The following NKAIN2 variants were observed in gnomAD, a reference collection of about 807,000 sequenced individuals.
NKAIN2 encodes the protein sodium/potassium-transporting ATPase subunit beta-1-interacting protein 2.
A neutral mutation model predicts 32.6 loss-of-function variants in NKAIN2; 14 were observed. That is an observed-to-expected ratio of 0.43 (90% CI 0.28 to 0.67). NKAIN2 has a LOEUF of 0.67. Ranked by LOEUF, NKAIN2 falls within the 30% of genes least tolerant of loss-of-function variation. The pLI is 0.17. For missense variants in NKAIN2, 198 were observed against 258.3 expected, an observed-to-expected ratio of 0.77 and a Z score of 1.60; for synonymous variants, 80 against 87.2, an observed-to-expected ratio of 0.92 and a Z score of 0.46.
At chr6:124,668,690 T>C (rs983591923) in intron 4 of NKAIN2, among the ~76,000 whole-genome samples, 1 of 152,308 alleles carries the variant, frequency 6.6e-6, no homozygotes, top group Middle Eastern at 3.4e-3. Flanking sequence ...GAAATTATAC[T>C]GTGAGGTACG....
rs541171255 is a variant in NKAIN2, at chr6:123,810,792, T to A, written c.54+6538T>A. 2.0e-5 allele frequency among the ~76,000 whole-genome samples: 3 copies of A among 152,294 alleles called. No homozygotes were observed. The South Asian group carries it at 6.2e-4, about 32-fold the overall frequency. On this transcript the variant is annotated intron_variant, in intron 1 of 6. Transcript: ENST00000368417. ...AATCCTAAATTCATCCAGACCACCA[T>A]TGACCAATAATATTTGCCATAATTA...
At chr6:124,703,590 T>C (rs1016010481) in intron 4 of NKAIN2, among the ~76,000 whole-genome samples, 13 of 151,988 alleles carry the variant, frequency 8.6e-5, no homozygotes, top group African/African-American at 2.9e-4. Flanking sequence ...ACCCAGAAGA[T>C]TGTACAGACT....
chr6:124,090,282 G>A (rs1361973472), intron 1 of NKAIN2, among the ~76,000 whole-genome samples: 1 of 151,866 alleles, frequency 6.6e-6, no homozygotes, highest in Non-Finnish European at 1.5e-5. Context: ...CAAAGTTTTG[G>A]TCAATTGACA....
At chr6:124,823,082 C>A in intron 6 of NKAIN2, 138 bp from the exon 7 acceptor site, 1 of 709,638 alleles carries the variant, frequency 1.4e-6, no homozygotes, top group South Asian at 1.6e-5. Context: ...GGAAAATTAT[C>A]TATTTAAAAC....
intron 1 of NKAIN2, among the ~76,000 whole-genome samples, chr6:124,054,080 T>A (rs1048579664): frequency 1.3e-5 from 2 of 152,104 alleles, no homozygotes; most frequent in African/African-American, 4.8e-5. Flanking sequence ...TTCACAACAG[T>A]ACTTCAAAGA....
chr6:124,304,149 A>T (rs1796416186), intron 2 of NKAIN2, among the ~76,000 whole-genome samples: 1 of 152,160 alleles, frequency 6.6e-6, no homozygotes, highest in Non-Finnish European at 1.5e-5. Context: ...GATACTAGAG[A>T]CACGGTAGAT....
At chr6:124,587,616 T>C (rs1397452837) in intron 3 of NKAIN2, among the ~76,000 whole-genome samples, 1 of 152,190 alleles carries the variant, frequency 6.6e-6, no homozygotes, top group Admixed American at 6.5e-5. Context: ...CAACAAGAGC[T>C]GGCCCCAGGC....
chr6:124,810,723 A>G (rs1780861525), intron 5 of NKAIN2, among the ~76,000 whole-genome samples: 1 of 152,044 alleles, frequency 6.6e-6, no homozygotes, highest in African/African-American at 2.4e-5. Context: ...AAGGCCCTAA[A>G]ACCCTGAGAA....
At chr6:123,967,763 T>G (rs907650035) in intron 1 of NKAIN2, among the ~76,000 whole-genome samples, 2 of 152,214 alleles carry the variant, frequency 1.3e-5, no homozygotes, top group African/African-American at 2.4e-5. Flanking sequence ...GTATTGGTTC[T>G]TACACTTTCT....
chr6:124,625,834 G>A (rs1028662453), intron 3 of NKAIN2, among the ~76,000 whole-genome samples: 3 of 151,936 alleles, frequency 2.0e-5, no homozygotes, highest in South Asian at 2.1e-4. Flanking sequence ...GTCATCAAAT[G>A]CCAGAGTCAA....
intron 1 of NKAIN2, among the ~76,000 whole-genome samples, chr6:124,278,650 C>CATATATATATATATATAT (rs57008229): frequency 2.9e-5 from 2 of 68,988 alleles, no homozygotes; most frequent in African/African-American, 4.6e-5. Flanking sequence ...ATACATAGCT[C>CATATATATATATATATAT]ATATATATAT....
chr6:124,022,664 A>G (rs1262467625), intron 1 of NKAIN2, among the ~76,000 whole-genome samples: 1 of 152,246 alleles, frequency 6.6e-6, no homozygotes. Flanking sequence ...AATTACATCA[A>G]TGGTTAGAAA....
chr6:124,093,638 T>C lies in NKAIN2; in HGVS notation c.55-189367T>C, dbSNP rs571563398. Reference sequence around the variant, plus strand: ...TAGTTTGGTAAACCTGTTTAACCTATGTTTAAATAAACAAATTTTCATATG... The same window carrying C: ...TAGTTTGGTAAACCTGTTTAACCTACGTTTAAATAAACAAATTTTCATATG... On this transcript the variant is annotated intron_variant, in intron 1 of 6. Coordinates refer to ENST00000368417, the MANE Select transcript of NKAIN2 (RefSeq NM_001040214.3). 1.2e-4 allele frequency among the ~76,000 whole-genome samples: 18 copies of C among 152,312 alleles called. No homozygotes were observed. The South Asian group carries it at 3.7e-3, about 32-fold the overall frequency.
At chr6:124,274,988 A>G (rs1338026737) in intron 1 of NKAIN2, among the ~76,000 whole-genome samples, 1 of 152,120 alleles carries the variant, frequency 6.6e-6, no homozygotes, top group Non-Finnish European at 1.5e-5. Flanking sequence ...TTAAACAAAA[A>G]ACAAACAATA....
At chr6:123,908,826 T>C (rs1297343667) in intron 1 of NKAIN2, among the ~76,000 whole-genome samples, 1 of 152,236 alleles carries the variant, frequency 6.6e-6, no homozygotes, top group Non-Finnish European at 1.5e-5. Context: ...GACAGGAATT[T>C]AATTTCAAAT....
intron 1 of NKAIN2, among the ~76,000 whole-genome samples, chr6:123,987,036 C>T (rs1220291542): frequency 6.6e-6 from 1 of 152,116 alleles, no homozygotes; most frequent in East Asian, 1.9e-4. Flanking sequence ...TCAGTTTTCT[C>T]ATGAGTGAGA....
At chr6:124,785,835 C>T (rs949736006) in intron 4 of NKAIN2, among the ~76,000 whole-genome samples, 17 of 152,170 alleles carry the variant, frequency 1.1e-4, no homozygotes, top group Admixed American at 2.0e-4. Context: ...TAAGCTTCCA[C>T]TGACATCACC....
At chr6:124,537,727 T>C (rs138141712) in intron 3 of NKAIN2, among the ~76,000 whole-genome samples, 1 of 152,278 alleles carries the variant, frequency 6.6e-6, no homozygotes, top group East Asian at 1.9e-4. Context: ...CCTCTCATCT[T>C]TGTATATTAG....
intron 3 of NKAIN2, among the ~76,000 whole-genome samples, chr6:124,621,227 T>A (rs1783096158): frequency 6.6e-6 from 1 of 152,210 alleles, no homozygotes; most frequent in African/African-American, 2.4e-5. Context: ...TATTTGGGAC[T>A]ACGCTGATGG....
Sources: allele counts gnomAD v4.1 joint callset (sites outside exome capture counted in the v4.1 genomes callset), GRCh38; gene constraint gnomAD v4.1.1; transcripts MANE v1.5; gene names NCBI Gene and HGNC (gene_info 2026-07-23, HGNC 2026-07-21).